Variants in AMDHD2 observed in about 807,000 individuals in gnomAD.
AMDHD2 encodes N-acetylglucosamine-6-phosphate deacetylase.
In AMDHD2, 24 loss-of-function variants were observed where a neutral mutation model predicts 41.8. The observed-to-expected ratio is 0.57, with a 90% CI of 0.42 to 0.81. The LOEUF (loss-of-function observed/expected upper bound fraction) is 0.81. Ranked by LOEUF, AMDHD2 falls within the 30% of genes least tolerant of loss-of-function variation. The pLI is 0.00. For missense variants in AMDHD2, 540 were observed against 588.5 expected (o/e 0.92, Z 0.85); for synonymous variants, 332 against 255.5 (o/e 1.30, Z -2.85).
In AMDHD2 at chr16:2,529,701, G is replaced by T; in HGVS notation, c.*138G>T. The T allele has an allele frequency of 1.3e-6, 2 of 1,487,116 alleles. No individual in the cohort carries two copies. Among genetic ancestry groups the T allele is most frequent in the Non-Finnish European group, 1.8e-6 (2 of 1,119,308 alleles). The allele number at this position is 1,487,116 out of a possible 1,614,324, so 92.1% of individuals were successfully genotyped here. On this transcript the variant is annotated 3_prime_UTR_variant, in exon 11 of 11. Coordinates refer to ENST00000293971, the MANE Select transcript of AMDHD2 (RefSeq NM_001330449.2). ...GGGCCTGTGCGGCCGCCCTGGAGGCGGTGGCTGGGATAAACGTGCACCCAG... is the reference window on the plus strand; with the variant it reads ...GGGCCTGTGCGGCCGCCCTGGAGGCTGTGGCTGGGATAAACGTGCACCCAG...
At position 2,531,413 on chromosome 16, in the gene AMDHD2, C is replaced by A. The variant is rs529981026; in HGVS notation, c.*1850C>A. ...TAAAATACATAACAAAAGTAACTATCGTAACCTGAGCAGTTCTGTGACATG... is the reference window on the plus strand; with the variant it reads ...TAAAATACATAACAAAAGTAACTATAGTAACCTGAGCAGTTCTGTGACATG... On this transcript the variant is annotated 3_prime_UTR_variant, in exon 11 of 11. Transcript: ENST00000293971. 2 of 497,888 alleles carry A rather than the reference C, an allele frequency of 4.0e-6. No individual in the cohort carries two copies. The highest frequency in any genetic ancestry group is 4.5e-5 in the South Asian group (1 of 22,406). The allele number at this position is 497,888 out of a possible 1,614,324, so 30.8% of individuals were successfully genotyped here.
chr16:2,524,275 C>T (rs1027316956), intron 3 of AMDHD2, among the ~76,000 whole-genome samples: 8 of 152,352 alleles, frequency 5.3e-5, no homozygotes, highest in African/African-American at 1.9e-4. Flanking sequence ...TTAAGACCAC[C>T]TTCTCTTTTC....
At chr16:2,529,355 T>C in intron 10 of AMDHD2, 120 bp from the exon 11 acceptor site, 1 of 1,475,602 alleles carries the variant, frequency 6.8e-7, no homozygotes, top group East Asian at 2.3e-5. Flanking sequence ...CAGGGTGTCT[T>C]GCACTAGTCG....
rs1432462579 is a variant in AMDHD2 at position 2,520,793 on chromosome 16, C to A, written c.108C>A (p.Gly36=). 4 of 1,602,670 alleles carry A rather than the reference C, an allele frequency of 2.5e-6. No homozygotes were observed. Among genetic ancestry groups the A allele is most frequent in the South Asian group, 1.1e-5 (1 of 90,548 alleles). Residue 36 remains glycine, a synonymous_variant, in exon 2 of 11, where the codon GGC becomes GGA. Transcript: ENST00000293971. ...GGGAGGATCTGTGGGTGCGCGGAGGCCGCATCTTGGACCCAGAGAAGCTGT... is the reference window on the plus strand; with the variant it reads ...GGGAGGATCTGTGGGTGCGCGGAGGACGCATCTTGGACCCAGAGAAGCTGT... The part of the protein sequence containing the change: ...LLREDLWVRG[G]RILDPEKLFF...
At position 2,520,867 on chromosome 16, in the gene AMDHD2, G is replaced by T. The variant is rs765675975; in HGVS notation, c.182G>T (p.Arg61Leu). Residue 61 changes from arginine to leucine, a missense_variant, in exon 2 of 11, where the codon CGC (arginine) becomes CTC (leucine). Coordinates refer to ENST00000293971, the MANE Select transcript of AMDHD2 (RefSeq NM_001330449.2). ...VADERRDCGG[R>L]ILAPGFIDVQ... ...GACGAGCGGCGGGACTGCGGGGGCC[G>T]CATCTTGGCTCCCGGATTCATCGAC... is the stretch of plus-strand genomic sequence containing the variant. 1.2e-6 allele frequency: 2 copies of T among 1,610,572 alleles called. No homozygotes were observed. Among genetic ancestry groups the T allele is most frequent in the Non-Finnish European group, 1.7e-6 (2 of 1,178,590 alleles).
At chr16:2,524,337 AC>A (rs1475604405) in intron 3 of AMDHD2, among the ~76,000 whole-genome samples, 1 of 152,174 alleles carries the variant, frequency 6.6e-6, no homozygotes, top group Non-Finnish European at 1.5e-5. Flanking sequence ...AGGTGAGCTC[AC>A]TTTGTTCTTT....
At chr16:2,521,224 C>T in intron 3 of AMDHD2, 101 bp downstream of exon 3, 1 of 1,388,880 alleles carries the variant, frequency 7.2e-7, no homozygotes. Context: ...GCACGTATTC[C>T]ATGGTCCTGA....
intron 3 of AMDHD2, among the ~76,000 whole-genome samples, chr16:2,521,958 G>T (rs1347917904): frequency 6.6e-6 from 1 of 151,700 alleles, no homozygotes; most frequent in East Asian, 1.9e-4. Context: ...CTAATTTTTT[G>T]TATTTTTCGT....
intron 10 of AMDHD2, 41 bp downstream of exon 10, chr16:2,529,136 C>A: frequency 6.7e-7 from 1 of 1,484,608 alleles, no homozygotes; most frequent in Non-Finnish European, 9.0e-7. Context: ...CCTGGCCCTG[C>A]CTGTAGACTC....
chr16:2,522,923 A>G (rs1217852438), intron 3 of AMDHD2, among the ~76,000 whole-genome samples: 1 of 149,846 alleles, frequency 6.7e-6, no homozygotes, highest in Non-Finnish European at 1.5e-5. Context: ...GGCTCACTAC[A>G]ACCTCCGCCT....
At chr16:2,520,934 A>G in intron 2 of AMDHD2, 29 bp downstream of exon 2, 1 of 1,596,500 alleles carries the variant, frequency 6.3e-7, no homozygotes, top group Non-Finnish European at 8.6e-7. Context: ...AGGGGAACCC[A>G]GGGGAGGAGC....
chr16:2,528,365 C>A lies in AMDHD2; in HGVS notation c.847C>A (p.Arg283Ser). ...CCCCGCCGCCCTGCGGATCGCCCAC[C>A]GTGCCCATCCCCAGGGTAAGCTGCG... ...TNPAALRIAHRAHPQGLVLVT... is the reference protein window; with the variant it reads ...TNPAALRIAHSAHPQGLVLVT... The change falls in exon 7 of 11, where the codon CGT (arginine) becomes AGT (serine). Residue 283 changes from arginine to serine, a missense_variant. Physicochemically the swap from Arg to Ser is moderately radical, Grantham distance 110. Coordinates refer to ENST00000293971, the MANE Select transcript of AMDHD2 (RefSeq NM_001330449.2). 6.2e-7 allele frequency: 1 copy of A among 1,612,906 alleles called. No homozygotes were observed. The highest frequency in any genetic ancestry group is 8.5e-7 in the Non-Finnish European group (1 of 1,179,938).
chr16:2,524,172 G>A (rs1430970363), intron 3 of AMDHD2, among the ~76,000 whole-genome samples: 3 of 152,332 alleles, frequency 2.0e-5, no homozygotes, highest in South Asian at 2.1e-4. Flanking sequence ...TGCCGTGCAC[G>A]CCACCTCTTC....
chr16:2,520,580 C>T (rs1235353626), intron 1 of AMDHD2, 39 bp downstream of exon 1: 2 of 797,576 alleles, frequency 2.5e-6, no homozygotes, highest in East Asian at 9.6e-5. Flanking sequence ...GGGGACCGGG[C>T]GGGGTGCAGG....
At chr16:2,528,895 C>A in intron 9 of AMDHD2, 99 bp from the exon 10 acceptor site, 1 of 1,470,050 alleles carries the variant, frequency 6.8e-7, no homozygotes, top group Non-Finnish European at 9.2e-7. Flanking sequence ...TGTTAGCCTG[C>A]TGCAGAGTCC....
chr16:2,527,435 C>T lies in AMDHD2; in HGVS notation c.361-126C>T. 2.0e-6 allele frequency: 2 copies of T among 981,040 alleles called. No individual in the cohort carries two copies. Among genetic ancestry groups the T allele is most frequent in the South Asian group, 1.4e-5 (1 of 69,688 alleles). 60.8% of individuals were successfully genotyped at this position (981,040 alleles called of 1,614,324 possible). On this transcript the variant is annotated intron_variant, in intron 3 of 10. Coordinates refer to ENST00000293971, the MANE Select transcript of AMDHD2 (RefSeq NM_001330449.2). This position sits in a 1 kb window ranked among gnomAD's most constrained non-coding sequence, Gnocchi z 6.1. ...GCTTTCCCTGACCCCTGTGAGGGGA[C>T]AGGCGGCCGGGGCTGGGCTGGGTGC...
In AMDHD2 at chr16:2,529,937, G is replaced by A; in HGVS notation, c.*374G>A. ...GAAAGTGTCACTATGGGAGGGAGGG[G>A]CAGGCAGTCAGTGGCTGGTGCCATG... On this transcript the variant is annotated 3_prime_UTR_variant, in exon 11 of 11. Coordinates refer to ENST00000293971, the MANE Select transcript of AMDHD2 (RefSeq NM_001330449.2). 1 of 902,702 alleles carries A rather than the reference G, an allele frequency of 1.1e-6. No homozygotes were observed. The highest frequency in any genetic ancestry group is 2.1e-5 in the South Asian group (1 of 48,082). The allele number at this position is 902,702 out of a possible 1,614,324, so 55.9% of individuals were successfully genotyped here.
chr16:2,530,198 C>T lies in AMDHD2; in HGVS notation c.*635C>T. Reference sequence around the variant, plus strand: ...CTGGACTGCCTAGCCCTGAGTGCCACGGATGACCAGCGTTCTGTTTTCTCT... The same window carrying T: ...CTGGACTGCCTAGCCCTGAGTGCCATGGATGACCAGCGTTCTGTTTTCTCT... On this transcript the variant is annotated 3_prime_UTR_variant, in exon 11 of 11. Transcript: ENST00000293971. 40 of 1,501,474 alleles carry T rather than the reference C, an allele frequency of 2.7e-5. No individual in the cohort carries two copies. The highest frequency in any genetic ancestry group is 3.5e-5 in the Non-Finnish European group (39 of 1,125,052). The allele number at this position is 1,501,474 out of a possible 1,614,324, so 93.0% of individuals were successfully genotyped here.
At position 2,527,724 on chromosome 16, in the gene AMDHD2, G is replaced by A; in HGVS notation, c.416-49G>A. The A allele has an allele frequency of 6.4e-7, 1 of 1,550,522 alleles. No individual in the cohort carries two copies. Among genetic ancestry groups the A allele is most frequent in the Non-Finnish European group, 8.7e-7 (1 of 1,149,636 alleles). ...GCTGGTGGGGAGGGCAGGTGATAAGGGCTGGGTGGGGCAGGGACCTGCTGG... is the reference window on the plus strand; with the variant it reads ...GCTGGTGGGGAGGGCAGGTGATAAGAGCTGGGTGGGGCAGGGACCTGCTGG... On this transcript the variant is annotated intron_variant, in intron 4 of 10. Coordinates refer to ENST00000293971, the MANE Select transcript of AMDHD2 (RefSeq NM_001330449.2). This position sits in a 1 kb window ranked among gnomAD's most constrained non-coding sequence, Gnocchi z 6.1.
Sources: gnomAD v4.1 joint callset for allele counts (sites outside exome capture counted in the v4.1 genomes callset) on GRCh38, gnomAD v4.1.1 for gene constraint, Gnocchi (gnomAD v3.1) non-coding constraint, MANE v1.5 for transcripts, NCBI Gene and HGNC (gene_info 2026-07-23, HGNC 2026-07-21) for gene names.